The following KCNJ3 variants were observed in gnomAD, a reference collection of about 807,000 sequenced individuals.
The protein encoded by KCNJ3 is G protein-activated inward rectifier potassium channel 1.
A neutral mutation model predicts 39.2 loss-of-function variants in KCNJ3; 4 were observed. The ratio of observed to expected loss-of-function variants is 0.10; its 90% CI spans 0.05 to 0.23. The LOEUF is 0.23. Ranked by LOEUF, KCNJ3 falls within the 10% of genes least tolerant of loss-of-function variation. The pLI is 1.00. For synonymous variants in KCNJ3, 230 were observed against 237.4 expected, an observed-to-expected ratio of 0.97 and a Z score of 0.29; for missense variants, 276 against 634.9, an observed-to-expected ratio of 0.43 and a Z score of 6.08.
At chr2:154,779,029 C>T (rs561994733) in intron 2 of KCNJ3, among the ~76,000 whole-genome samples, 70 of 152,126 alleles carry the variant, frequency 4.6e-4, no homozygotes, top group African/African-American at 1.6e-3. Flanking sequence ...TAGGAGGGTG[C>T]TTGGCAAATG....
At chr2:154,751,672 G>C (rs1189055786) in intron 2 of KCNJ3, among the ~76,000 whole-genome samples, 1 of 151,982 alleles carries the variant, frequency 6.6e-6, no homozygotes, top group Non-Finnish European at 1.5e-5. Flanking sequence ...TAGTTTGTTA[G>C]GGCTGTCTTA....
intron 2 of KCNJ3, among the ~76,000 whole-genome samples, chr2:154,736,070 G>T (rs576357078): frequency 6.6e-6 from 1 of 152,040 alleles, no homozygotes; most frequent in East Asian, 1.9e-4. Context: ...AAAATTTCTT[G>T]TGGCTTTCCT....
chr2:154,825,966 A>G (rs1276309078), intron 2 of KCNJ3, among the ~76,000 whole-genome samples: 3 of 151,854 alleles, frequency 2.0e-5, no homozygotes, highest in Admixed American at 2.0e-4. Context: ...GGGCTGTGAT[A>G]GAAGTGTTAA....
In KCNJ3 at chr2:154,850,008, C is replaced by CTTTTTTT. The variant is rs373062062; in HGVS notation, c.920-4689_920-4683dup. 1.1e-3 allele frequency among the ~76,000 whole-genome samples: 52 copies of CTTTTTTT among 48,852 alleles called. 4 individuals carry two copies. The highest frequency in any genetic ancestry group is 3.8e-3 in the East Asian group (4 of 1,060). The allele number at this position is 48,852 out of a possible 152,430, so 32.0% of individuals were successfully genotyped here. Reference sequence around the variant, plus strand: ...TTGCAATGCAATGTACAGAATAAATCTTTTTTTTTTTTTTTTTTTTTTTTT... The same window carrying CTTTTTTT: ...TTGCAATGCAATGTACAGAATAAATCTTTTTTTTTTTTTTTTTTTTTTTTTTTTTTTT... On this transcript the variant is annotated intron_variant, in intron 2 of 2. Transcript: ENST00000295101.
At chr2:154,714,538 C>A (rs1685152165) in intron 2 of KCNJ3, among the ~76,000 whole-genome samples, 1 of 152,078 alleles carries the variant, frequency 6.6e-6, no homozygotes, top group African/African-American at 2.4e-5. Flanking sequence ...GAAACTTACC[C>A]CCAGCTATGG....
Position 154,855,358 on chromosome 2 carries a change from G to A in KCNJ3, c.*45G>A. 2.3e-6 allele frequency: 3 copies of A among 1,306,302 alleles called. No individual in the cohort carries two copies. The highest frequency in any genetic ancestry group is 3.2e-6 in the Non-Finnish European group (3 of 952,026). 80.9% of individuals were successfully genotyped at this position (1,306,302 alleles called of 1,614,324 possible). ...TTATTTAATGTTTGATTTAGTAATA[G>A]TCCAATATTTGGCGATGAGGTAATT... On this transcript the variant is annotated 3_prime_UTR_variant, in exon 3 of 3. Coordinates refer to ENST00000295101, the MANE Select transcript of KCNJ3 (RefSeq NM_002239.4).
intron 2 of KCNJ3, among the ~76,000 whole-genome samples, chr2:154,727,775 A>T (rs1314959259): frequency 6.6e-6 from 1 of 151,796 alleles, no homozygotes; most frequent in East Asian, 1.9e-4. Context: ...AATGGCGTTT[A>T]TAATAGTCTA....
intron 2 of KCNJ3, among the ~76,000 whole-genome samples, chr2:154,791,255 A>T (rs933979328): frequency 4.1e-5 from 6 of 144,812 alleles, no homozygotes; most frequent in African/African-American, 1.4e-4. Context: ...CTGCTAAAGC[A>T]TATGCCCAAA....
At chr2:154,772,787 G>A (rs554505134) in intron 2 of KCNJ3, among the ~76,000 whole-genome samples, 1 of 151,902 alleles carries the variant, frequency 6.6e-6, no homozygotes, top group Admixed American at 6.6e-5. Flanking sequence ...CCTAATTAGA[G>A]ATGGCTGCAG....
rs1687825170 is a variant in KCNJ3, at chr2:154,855,677, T to C, written c.*364T>C. 6.2e-6 allele frequency: 1 copy of C among 160,122 alleles called. No homozygotes were observed. The highest frequency in any genetic ancestry group is 2.4e-5 in the African/African-American group (1 of 41,480). 9.9% of individuals were successfully genotyped at this position (160,122 alleles called of 1,614,324 possible). A position where few individuals can be genotyped will look rare whatever the true frequency, so the allele number is the denominator to read the frequency against. On this transcript the variant is annotated 3_prime_UTR_variant, in exon 3 of 3. Coordinates refer to ENST00000295101, the MANE Select transcript of KCNJ3 (RefSeq NM_002239.4). The stretch of plus-strand genomic sequence containing the variant: ...CTCTCCCTGACATTTCTAACATATG[T>C]ATTAAGCCAAACATGAGTGAATAGC...
chr2:154,740,677 C>G (rs373241204), intron 2 of KCNJ3, among the ~76,000 whole-genome samples: 1 of 151,936 alleles, frequency 6.6e-6, no homozygotes, highest in Non-Finnish European at 1.5e-5. Flanking sequence ...AGCACTGACT[C>G]TCTTTTTAAT....
chr2:154,742,140 G>A (rs1685664017), intron 2 of KCNJ3, among the ~76,000 whole-genome samples: 1 of 151,674 alleles, frequency 6.6e-6, no homozygotes, highest in African/African-American at 2.4e-5. Context: ...TATAATATTT[G>A]TCTTTTTATA....
At chr2:154,811,516 A>G (rs759992745) in intron 2 of KCNJ3, among the ~76,000 whole-genome samples, 4 of 151,860 alleles carry the variant, frequency 2.6e-5, no homozygotes, top group Non-Finnish European at 5.9e-5. Flanking sequence ...CTGGTCTCGA[A>G]CTCCTGACCT....
At chr2:154,839,900 G>T (rs1687545760) in intron 2 of KCNJ3, among the ~76,000 whole-genome samples, 1 of 152,126 alleles carries the variant, frequency 6.6e-6, no homozygotes. Context: ...TGTTCACTCT[G>T]ATGGTCGTTT....
intron 1 of KCNJ3, among the ~76,000 whole-genome samples, chr2:154,703,145 C>T (rs1241735699): frequency 2.0e-5 from 3 of 150,156 alleles, no homozygotes; most frequent in Non-Finnish European, 3.0e-5. Context: ...TCTTTGATAA[C>T]TGTTCGAGAA....
intron 2 of KCNJ3, among the ~76,000 whole-genome samples, chr2:154,836,219 C>CAAAAAAAACAAAAAAAAAAAA: frequency 8.4e-6 from 1 of 118,648 alleles, no homozygotes; most frequent in Non-Finnish European, 1.7e-5. Flanking sequence ...AAAAAAAAAA[C>CAAAAAAAACAAAAAAAAAAAA]AAAAAAAAAC....
chr2:154,747,348 G>A (rs1685765838), intron 2 of KCNJ3, among the ~76,000 whole-genome samples: 1 of 151,892 alleles, frequency 6.6e-6, no homozygotes, highest in African/African-American at 2.4e-5. Context: ...GGGTTTTTGA[G>A]GGGGAAATTG....
At chr2:154,825,583 T>TATTA (rs1314795826) in intron 2 of KCNJ3, among the ~76,000 whole-genome samples, 13 of 147,746 alleles carry the variant, frequency 8.8e-5, no homozygotes, top group South Asian at 4.3e-4. Context: ...TTTATTTATT[T>TATTA]ATTATTTTTT....
intron 2 of KCNJ3, among the ~76,000 whole-genome samples, chr2:154,729,132 A>G (rs1158568308): frequency 6.6e-6 from 1 of 152,224 alleles, no homozygotes; most frequent in Non-Finnish European, 1.5e-5. Context: ...TTGAGATTAC[A>G]ACACATTTAC....
Sources: gnomAD v4.1 joint callset for allele counts (sites outside exome capture counted in the v4.1 genomes callset) on GRCh38, gnomAD v4.1.1 for gene constraint, MANE v1.5 for transcripts, NCBI Gene and HGNC (gene_info 2026-07-23, HGNC 2026-07-21) for gene names.